Variants in RSF1 observed in about 807,000 individuals in gnomAD.
RSF1 encodes the protein remodeling and spacing factor 1, also known as HBV pX-associated protein 8.
RSF1 carries 13 observed loss-of-function variants against 145.2 expected under a neutral mutation model. The observed-to-expected ratio is 0.09, with a 90% CI of 0.06 to 0.14. The LOEUF (loss-of-function observed/expected upper bound fraction) is 0.14, where lower values mean the gene tolerates loss of function less well. Among genes scored for constraint, RSF1 ranks in the 10% least tolerant of loss-of-function variants. The probability of loss-of-function intolerance (pLI) is 1.00; values close to 1 mark genes in which losing one functional copy is unlikely to be tolerated. For synonymous variants in RSF1, 577 were observed against 592.6 expected (o/e 0.97, Z 0.38); for missense variants, 1,517 against 1,718.2 (o/e 0.88, Z 2.07).
upstream of RSF1, among the ~76,000 whole-genome samples, chr11:77,824,028 G>C (rs1590915515): frequency 6.6e-6 from 1 of 152,114 alleles, no homozygotes; most frequent in East Asian, 1.9e-4. Context: ...AATCTAGATC[G>C]GCAGGGAAAC....
At chr11:77,850,854 C>A in the RSF1 span, 1 of 151,606 alleles carries the variant, frequency 6.6e-6, no homozygotes, top group Admixed American at 6.6e-5. Flanking sequence ...ATCACAGATA[C>A]GACATTTCAG....
At chr11:77,775,356 T>A (rs996328464) in intron 1 of RSF1, among the ~76,000 whole-genome samples, 22 of 151,918 alleles carry the variant, frequency 1.4e-4, no homozygotes, top group Admixed American at 2.6e-4. Context: ...ACAGAAGAGA[T>A]GAAAAAGATG....
chr11:77,831,259 A>G, the RSF1 span, among the ~76,000 whole-genome samples: 6 of 152,230 alleles, frequency 3.9e-5, no homozygotes, highest in African/African-American at 1.2e-4. Flanking sequence ...TGGAATTGCA[A>G]AGTTGTGGAT....
intron 15 of RSF1, among the ~76,000 whole-genome samples, chr11:77,671,583 G>C (rs1174403982): frequency 6.6e-6 from 1 of 151,030 alleles, no homozygotes; most frequent in African/African-American, 2.4e-5. Flanking sequence ...TTTAAACTAT[G>C]GTAGGCACAA....
At chr11:77,754,705 C>G (rs1188425042) in intron 2 of RSF1, among the ~76,000 whole-genome samples, 2 of 152,030 alleles carry the variant, frequency 1.3e-5, no homozygotes, top group Non-Finnish European at 2.9e-5. Context: ...GGTCACACCA[C>G]TGCACTCCAG....
the RSF1 span, among the ~76,000 whole-genome samples, chr11:77,835,583 T>C: frequency 1.3e-5 from 2 of 152,182 alleles, no homozygotes; most frequent in Non-Finnish European, 2.9e-5. Context: ...AATAATAAAT[T>C]CTATAATTTT....
At chr11:77,677,153 G>A in intron 12 of RSF1, 154 bp from the exon 13 acceptor site, 1 of 631,910 alleles carries the variant, frequency 1.6e-6, no homozygotes. Context: ...GACTTCAGCT[G>A]ACAGAGGTCT....
intron 3 of RSF1, among the ~76,000 whole-genome samples, chr11:77,743,354 T>C (rs1429639015): frequency 6.6e-6 from 1 of 152,222 alleles, no homozygotes; most frequent in Admixed American, 6.5e-5. Flanking sequence ...GATTAATTCT[T>C]TTAATCCATG....
At chr11:77,862,720 A>ATGGCACTTCACTCTTCC in the RSF1 span, among the ~76,000 whole-genome samples, 1 of 152,252 alleles carries the variant, frequency 6.6e-6, no homozygotes, top group African/African-American at 2.4e-5. Context: ...GTTTGTACAT[A>ATGGCACTTCACTCTTCC]TGGCACTTCA....
In RSF1 at chr11:77,701,828, T is replaced by C; in HGVS notation, c.1401A>G (p.Thr467=). 1.2e-6 allele frequency: 2 copies of C among 1,614,112 alleles called. No homozygotes were observed. Among genetic ancestry groups the C allele is most frequent in the Admixed American group, 1.7e-5 (1 of 60,018 alleles). ...TAGAGGGGCTATAGCTCTCTTCCTT[T>C]GTCTCATAAAACTTTGTCTCTATTG... The part of the protein sequence containing the change: ...TEPIETKFYE[T]KEESYSPSKD... Residue 467 remains threonine (T), a synonymous_variant, in exon 6 of 16, where the codon ACA becomes ACG. Transcript: ENST00000308488.
the RSF1 span, among the ~76,000 whole-genome samples, chr11:77,825,886 T>C: frequency 6.6e-6 from 1 of 152,050 alleles, no homozygotes; most frequent in African/African-American, 2.4e-5. Flanking sequence ...GAGATGGGGT[T>C]TCACTACGTT....
chr11:77,709,821 T>C (rs1960636805), intron 5 of RSF1, among the ~76,000 whole-genome samples: 3 of 152,096 alleles, frequency 2.0e-5, no homozygotes, highest in African/African-American at 7.2e-5. Flanking sequence ...CCCTCCTGCC[T>C]AAGCCTCCTG....
chr11:77,851,780 A>G, the RSF1 span, among the ~76,000 whole-genome samples: 1 of 152,148 alleles, frequency 6.6e-6, no homozygotes, highest in Non-Finnish European at 1.5e-5. Flanking sequence ...AGTCAAGCAG[A>G]TGCTGGTATC....
chr11:77,667,893 C>T (rs1297415717), intron 15 of RSF1, among the ~76,000 whole-genome samples: 6 of 151,912 alleles, frequency 3.9e-5, no homozygotes, highest in Middle Eastern at 3.4e-3. Flanking sequence ...TTAGTAGAGA[C>T]GGGGTTTCAC....
chr11:77,697,358 T>C (rs975224483), intron 7 of RSF1, among the ~76,000 whole-genome samples: 2 of 151,022 alleles, frequency 1.3e-5, no homozygotes, highest in African/African-American at 4.9e-5. Context: ...GTGAAATCTA[T>C]TCAAAAGAAC....
chr11:77,768,375 C>T (rs1372589979), intron 1 of RSF1, among the ~76,000 whole-genome samples: 1 of 152,046 alleles, frequency 6.6e-6, no homozygotes, highest in Non-Finnish European at 1.5e-5. Flanking sequence ...GTTCGTCAGG[C>T]TGGTCTCGAA....
chr11:77,752,224 G>C (rs995962907), intron 2 of RSF1, among the ~76,000 whole-genome samples: 1 of 152,200 alleles, frequency 6.6e-6, no homozygotes, highest in African/African-American at 2.4e-5. Flanking sequence ...GAAGCTGAAA[G>C]GTTGCAAGGT....
chr11:77,686,973 T>C (rs1037068775), intron 9 of RSF1, among the ~76,000 whole-genome samples: 5 of 152,212 alleles, frequency 3.3e-5, no homozygotes, highest in Admixed American at 6.5e-5. Flanking sequence ...TGCTCTTGTA[T>C]TATGACATAG....
intron 6 of RSF1, 94 bp from the exon 7 acceptor site, chr11:77,698,787 C>CTTTGGGAGGCCGAGGCGGGTGG: frequency 9.8e-7 from 1 of 1,020,218 alleles, no homozygotes; most frequent in Non-Finnish European, 1.5e-6. Context: ...AATATTCAGC[C>CTTTGGGAGGCCGAGGCGGGTGG]AATATACCAA....
Sources: allele counts gnomAD v4.1 joint callset (sites outside exome capture counted in the v4.1 genomes callset), GRCh38; gene constraint gnomAD v4.1.1; transcripts MANE v1.5; gene names NCBI Gene and HGNC (gene_info 2026-07-23, HGNC 2026-07-21).